Variants in KCNMA1 observed in about 807,000 individuals in gnomAD.
The protein encoded by KCNMA1 is Calcium-activated potassium channel subunit alpha-1.
KCNMA1 carries 29 observed loss-of-function variants against 140.0 expected under a neutral mutation model. That is an observed-to-expected ratio of 0.21 (90% CI 0.15 to 0.28). The LOEUF (loss-of-function observed/expected upper bound fraction) is 0.28. Among genes scored for constraint, KCNMA1 ranks in the 10% least tolerant of loss-of-function variants. The pLI is 1.00. For missense variants in KCNMA1, 880 were observed against 1,602.2 expected, an observed-to-expected ratio of 0.55 and a Z score of 7.70; for synonymous variants, 612 against 611.9, an observed-to-expected ratio of 1.00 and a Z score of 0.00.
intron 1 of KCNMA1, among the ~76,000 whole-genome samples, chr10:77,605,514 T>C (rs1488922236): frequency 6.6e-6 from 1 of 152,126 alleles, no homozygotes; most frequent in East Asian, 1.9e-4. Flanking sequence ...CTGTCAGTGC[T>C]CAAAGGGGCC....
chr10:77,520,982 A>G lies in KCNMA1; in HGVS notation c.378+116283T>C, dbSNP rs114147133. ...AGAAAGATCTTCCAAATTTCTCATTATAGTTATTCCCTGAAAGGCCAAGAG... is the reference window on the plus strand; with the variant it reads ...AGAAAGATCTTCCAAATTTCTCATTGTAGTTATTCCCTGAAAGGCCAAGAG... On this transcript the variant is annotated intron_variant, in intron 1 of 27. Coordinates refer to ENST00000286628, the MANE Select transcript of KCNMA1 (RefSeq NM_001161352.2). 2.7e-3 allele frequency among the ~76,000 whole-genome samples: 416 copies of G among 152,364 alleles called. 5 individuals carry two copies. The highest frequency in any genetic ancestry group is 9.2e-3 in the African/African-American group (382 of 41,578).
chr10:77,359,241 G>A (rs2093743790), intron 2 of KCNMA1, among the ~76,000 whole-genome samples: 1 of 152,210 alleles, frequency 6.6e-6, no homozygotes, highest in Non-Finnish European at 1.5e-5. Flanking sequence ...AGGTGTGGAA[G>A]CATGTGTTGG....
intron 1 of KCNMA1, among the ~76,000 whole-genome samples, chr10:77,563,954 T>A (rs2067259484): frequency 6.6e-6 from 1 of 152,208 alleles, no homozygotes; most frequent in South Asian, 2.1e-4. Context: ...CCCAGAGAGC[T>A]GTTATGCAAA....
intron 1 of KCNMA1, among the ~76,000 whole-genome samples, chr10:77,501,488 G>C (rs2043858588): frequency 6.6e-6 from 1 of 152,238 alleles, no homozygotes. Context: ...ATGAGGCAGT[G>C]TCATAAACCC....
intron 9 of KCNMA1, among the ~76,000 whole-genome samples, chr10:77,093,877 A>G (rs925154223): frequency 2.0e-5 from 3 of 152,220 alleles, no homozygotes; most frequent in African/African-American, 7.2e-5. Context: ...CATGATGCCT[A>G]CATATCTACC....
intron 2 of KCNMA1, among the ~76,000 whole-genome samples, chr10:77,326,054 C>A (rs762447755): frequency 2.0e-4 from 30 of 152,196 alleles, no homozygotes; most frequent in Non-Finnish European, 4.4e-4. Flanking sequence ...CTCTGCACAC[C>A]CTGTGCCTTA....
chr10:77,383,522 A>C (rs998925341), intron 2 of KCNMA1, among the ~76,000 whole-genome samples: 1 of 152,010 alleles, frequency 6.6e-6, no homozygotes, highest in African/African-American at 2.4e-5. Context: ...GTACATTCAC[A>C]TGGTCGCTCA....
intron 1 of KCNMA1, among the ~76,000 whole-genome samples, chr10:77,455,566 G>A (rs2097748561): frequency 6.6e-6 from 1 of 152,184 alleles, no homozygotes; most frequent in Non-Finnish European, 1.5e-5. Flanking sequence ...ATCTGCACCT[G>A]TCCTCATTGC....
intron 2 of KCNMA1, among the ~76,000 whole-genome samples, chr10:77,261,618 TC>T (rs1231466830): frequency 6.6e-6 from 1 of 152,176 alleles, no homozygotes; most frequent in Non-Finnish European, 1.5e-5. Flanking sequence ...TAACAGGAAG[TC>T]AGAAAACTTT....
At chr10:77,424,577 G>A (rs879026441) in intron 1 of KCNMA1, among the ~76,000 whole-genome samples, 1 of 149,632 alleles carries the variant, frequency 6.7e-6, no homozygotes, top group African/African-American at 2.5e-5. Context: ...ACTCACAACA[G>A]GTTCTCAGAC....
chr10:76,961,697 C>T (rs955329762), intron 20 of KCNMA1, among the ~76,000 whole-genome samples: 3 of 152,064 alleles, frequency 2.0e-5, no homozygotes, highest in African/African-American at 4.8e-5. Context: ...CAGCTACCAC[C>T]CCCCGATCAG....
At chr10:77,105,322 A>C (rs1028549415) in intron 9 of KCNMA1, among the ~76,000 whole-genome samples, 1 of 152,200 alleles carries the variant, frequency 6.6e-6, no homozygotes, top group African/African-American at 2.4e-5. Context: ...TAAAACTGAA[A>C]ATGAAATGCC....
chr10:77,062,019 T>G (rs796459735), intron 14 of KCNMA1, among the ~76,000 whole-genome samples: 9 of 152,300 alleles, frequency 5.9e-5, no homozygotes, highest in African/African-American at 2.2e-4. Flanking sequence ...GGTGTGACTG[T>G]ACAGCATGAG....
intron 17 of KCNMA1, among the ~76,000 whole-genome samples, chr10:77,014,789 G>A (rs2091656679): frequency 6.6e-6 from 1 of 152,180 alleles, no homozygotes; most frequent in Non-Finnish European, 1.5e-5. Flanking sequence ...AGCAGGCAGA[G>A]TATCTAAGCT....
chr10:76,899,979 T>C (rs1414868552), intron 25 of KCNMA1, among the ~76,000 whole-genome samples: 1 of 152,074 alleles, frequency 6.6e-6, no homozygotes, highest in Non-Finnish European at 1.5e-5. Flanking sequence ...AAATTAACTT[T>C]TTCTGTATTT....
intron 19 of KCNMA1, among the ~76,000 whole-genome samples, chr10:76,982,441 C>T (rs1013812920): frequency 6.6e-6 from 1 of 151,990 alleles, no homozygotes; most frequent in Non-Finnish European, 1.5e-5. Flanking sequence ...ACTCAGGGGG[C>T]ACTTGACCCA....
At chr10:77,535,596 T>G (rs1323744148) in intron 1 of KCNMA1, among the ~76,000 whole-genome samples, 1 of 152,224 alleles carries the variant, frequency 6.6e-6, no homozygotes, top group Admixed American at 6.5e-5. Context: ...CACTCCTGTA[T>G]TTATTGCAGC....
chr10:77,173,831 G>C (rs1230364523), intron 5 of KCNMA1, among the ~76,000 whole-genome samples: 2 of 152,118 alleles, frequency 1.3e-5, no homozygotes, highest in African/African-American at 4.8e-5. Context: ...CTTCCTTCCA[G>C]GCTTCGGGCA....
chr10:76,914,801 C>T (rs1211800511), intron 24 of KCNMA1, 135 bp downstream of exon 24: 4 of 706,688 alleles, frequency 5.7e-6, no homozygotes, highest in Non-Finnish European at 1.0e-5. Context: ...CCATACCTTC[C>T]TCCCAGCCCC....
Sources: gnomAD v4.1 joint callset for allele counts (sites outside exome capture counted in the v4.1 genomes callset) on GRCh38, gnomAD v4.1.1 for gene constraint, MANE v1.5 for transcripts, NCBI Gene and HGNC (gene_info 2026-07-23, HGNC 2026-07-21) for gene names.